ZSWIM6: variants seen among roughly 807,000 people sequenced by gnomAD.
ZSWIM6 encodes the protein zinc finger SWIM-type containing 6, also known as zinc finger SWIM domain-containing protein 6.
ZSWIM6 carries 9 observed loss-of-function variants against 113.2 expected under a neutral mutation model. That is an observed-to-expected ratio of 0.08 (90% CI 0.05 to 0.14). The LOEUF (loss-of-function observed/expected upper bound fraction) is 0.14. Ranked by LOEUF, ZSWIM6 falls within the 10% of genes least tolerant of loss-of-function variation. The pLI, the probability that ZSWIM6 is intolerant of heterozygous loss-of-function variation, is 1.00. For synonymous variants in ZSWIM6, 611 were observed against 606.5 expected (o/e 1.01, Z -0.11); for missense variants, 1,162 against 1,552.2 (o/e 0.75, Z 4.22).
At position 61,544,671 on chromosome 5, in the gene ZSWIM6, A is replaced by T. The variant is rs139724675; in HGVS notation, c.*354A>T. 1,960 of 153,762 alleles carry T rather than the reference A, an allele frequency of 0.013. 27 individuals are homozygous for T. The highest frequency in any genetic ancestry group is 0.022 in the Non-Finnish European group (1,500 of 69,094). 9.5% of individuals were successfully genotyped at this position (153,762 alleles called of 1,614,324 possible). On this transcript the variant is annotated 3_prime_UTR_variant, in exon 14 of 14. Transcript: ENST00000252744. ...ATACGTTCACAGCCTCAAAAAAAAT[A>T]ATTGAAATGGCTTTAAAAACCAAAC...
chr5:61,527,975 C>T (rs1189720650), intron 7 of ZSWIM6, among the ~76,000 whole-genome samples: 1 of 152,054 alleles, frequency 6.6e-6, no homozygotes, highest in Non-Finnish European at 1.5e-5. Flanking sequence ...AATTCTGTAA[C>T]CTTTAGGTCT....
At chr5:61,368,406 T>TA (rs1561210130) in intron 1 of ZSWIM6, among the ~76,000 whole-genome samples, 1 of 152,216 alleles carries the variant, frequency 6.6e-6, no homozygotes, top group East Asian at 1.9e-4. Context: ...ATTTTAGGAC[T>TA]ACTGCCAAAT....
At chr5:61,440,906 T>G (rs1280471424) in intron 1 of ZSWIM6, among the ~76,000 whole-genome samples, 3 of 152,182 alleles carry the variant, frequency 2.0e-5, no homozygotes, top group Non-Finnish European at 4.4e-5. Flanking sequence ...TATAGTGTTG[T>G]GTGCTAAGGG....
At chr5:61,337,428 T>G (rs1328830148) in intron 1 of ZSWIM6, among the ~76,000 whole-genome samples, 3 of 152,262 alleles carry the variant, frequency 2.0e-5, no homozygotes, top group Non-Finnish European at 2.9e-5. Context: ...CGCTGCTGCT[T>G]GACACCATCT....
At chr5:61,517,025 ATTC>A (rs1345656341) in intron 4 of ZSWIM6, among the ~76,000 whole-genome samples, 7 of 152,006 alleles carry the variant, frequency 4.6e-5, no homozygotes, top group African/African-American at 1.7e-4. Context: ...TCAAGTCACT[ATTC>A]TTCTATGTAT....
chr5:61,484,864 T>C (rs1292347975), intron 2 of ZSWIM6, among the ~76,000 whole-genome samples: 1 of 152,200 alleles, frequency 6.6e-6, no homozygotes, highest in East Asian at 1.9e-4. Flanking sequence ...AAAAAGAGAA[T>C]CTGGAGACTG....
intron 1 of ZSWIM6, among the ~76,000 whole-genome samples, chr5:61,343,131 A>G (rs569725507): frequency 6.6e-6 from 1 of 152,326 alleles, no homozygotes; most frequent in South Asian, 2.1e-4. Flanking sequence ...TTGCTGGTAA[A>G]GAGATTTGAC....
rs77449569 is a variant in ZSWIM6, at chr5:61,425,530, G to A, written c.677-47151G>A. On this transcript the variant is annotated intron_variant, in intron 1 of 13. Transcript: ENST00000252744. ...ATGCTCTGAGAGTTCTCATGTTCTA[G>A]TTATAGGGAAACTCACAAAAAGAGA... 6.0e-4 allele frequency among the ~76,000 whole-genome samples: 92 copies of A among 152,260 alleles called. 2 individuals carry two copies. The East Asian group carries it at 0.016, about 27-fold the overall frequency.
Position 61,530,217 on chromosome 5 carries a change from G to C in ZSWIM6, c.1984+19G>C, listed in dbSNP as rs776727134. On this transcript the variant is annotated intron_variant, in intron 8 of 13. Coordinates refer to ENST00000252744, the MANE Select transcript of ZSWIM6 (RefSeq NM_020928.2). ...TTTACAGGTAAAACCATTGACATTTGTCTCATGTGCTTTTCTTTTTCTAAA... is the reference window on the plus strand; with the variant it reads ...TTTACAGGTAAAACCATTGACATTTCTCTCATGTGCTTTTCTTTTTCTAAA... 6.5e-7 allele frequency: 1 copy of C among 1,537,888 alleles called. No homozygotes were observed.
At chr5:61,384,512 A>G (rs1441002701) in intron 1 of ZSWIM6, among the ~76,000 whole-genome samples, 1 of 152,190 alleles carries the variant, frequency 6.6e-6, no homozygotes, top group Non-Finnish European at 1.5e-5. Flanking sequence ...AACCTGATGA[A>G]CAGTTGAGTC....
intron 1 of ZSWIM6, among the ~76,000 whole-genome samples, chr5:61,449,439 A>C (rs1747038163): frequency 6.6e-6 from 1 of 152,176 alleles, no homozygotes; most frequent in Non-Finnish European, 1.5e-5. Context: ...CATGTTGCCC[A>C]GGCTGTCCTT....
At position 61,544,349 on chromosome 5, in the gene ZSWIM6, G is replaced by T. The variant is rs766712882; in HGVS notation, c.*32G>T. 5 of 94,356 alleles carry T rather than the reference G, an allele frequency of 5.3e-5. No homozygotes were observed. Among genetic ancestry groups the T allele is most frequent in the Non-Finnish European group, 6.2e-5 (3 of 48,646 alleles). The allele number at this position is 94,356 out of a possible 1,614,324, so 5.8% of individuals were successfully genotyped here. The stretch of plus-strand genomic sequence containing the variant: ...TTGTATGAATGGGGTGGGGGGTGGG[G>T]ATGGGAGGGATGGTTTGTTTTTACT... On this transcript the variant is annotated 3_prime_UTR_variant, in exon 14 of 14. Coordinates refer to ENST00000252744, the MANE Select transcript of ZSWIM6 (RefSeq NM_020928.2).
At chr5:61,370,261 A>G (rs907638003) in intron 1 of ZSWIM6, among the ~76,000 whole-genome samples, 3 of 152,216 alleles carry the variant, frequency 2.0e-5, no homozygotes, top group Non-Finnish European at 4.4e-5. Context: ...CATTATTTAA[A>G]AGCTGTATAA....
At chr5:61,498,016 G>A (rs1455997199) in intron 4 of ZSWIM6, among the ~76,000 whole-genome samples, 1 of 151,978 alleles carries the variant, frequency 6.6e-6, no homozygotes, top group Non-Finnish European at 1.5e-5. Context: ...AGGGATGAGG[G>A]GATACACTGT....
intron 2 of ZSWIM6, among the ~76,000 whole-genome samples, chr5:61,489,884 T>G (rs1318426403): frequency 6.6e-6 from 1 of 152,024 alleles, no homozygotes; most frequent in Non-Finnish European, 1.5e-5. Flanking sequence ...ATGTTAGTGA[T>G]TATTTCTTTG....
chr5:61,361,523 A>G (rs1025468770), intron 1 of ZSWIM6, among the ~76,000 whole-genome samples: 1 of 152,212 alleles, frequency 6.6e-6, no homozygotes, highest in Non-Finnish European at 1.5e-5. Flanking sequence ...TTAGCATCCC[A>G]CTACAGAAAT....
intron 4 of ZSWIM6, among the ~76,000 whole-genome samples, chr5:61,509,303 T>A (rs1446240631): frequency 1.7e-5 from 1 of 59,648 alleles, no homozygotes; most frequent in East Asian, 3.0e-4. Context: ...AAATAAGTTC[T>A]GATAACTTTT....
intron 1 of ZSWIM6, among the ~76,000 whole-genome samples, chr5:61,383,936 A>T (rs1745539069): frequency 6.6e-6 from 1 of 151,616 alleles, no homozygotes; most frequent in Admixed American, 6.6e-5. Flanking sequence ...TTATGCTAAC[A>T]TCAGTAATAT....
chr5:61,474,974 G>T (rs1004087886), intron 2 of ZSWIM6, among the ~76,000 whole-genome samples: 2 of 152,090 alleles, frequency 1.3e-5, no homozygotes, highest in Admixed American at 6.6e-5. Context: ...TGTAAACAAC[G>T]CTGCCACAGA....
Sources: allele counts gnomAD v4.1 joint callset (sites outside exome capture counted in the v4.1 genomes callset), GRCh38; gene constraint gnomAD v4.1.1; transcripts MANE v1.5; gene names NCBI Gene and HGNC (gene_info 2026-07-23, HGNC 2026-07-21).